BCL2L14: variants seen among roughly 807,000 people sequenced by gnomAD.
BCL2L14 encodes apoptosis facilitator Bcl-2-like protein 14.
Under a neutral mutation model 35.3 loss-of-function variants are expected in BCL2L14, and 27 were observed. The observed-to-expected ratio is 0.76, with a 90% CI of 0.56 to 1.05. The LOEUF (loss-of-function observed/expected upper bound fraction) is 1.05, where lower values mean the gene tolerates loss of function less well. Among genes scored for constraint, BCL2L14 ranks in the 50% least tolerant of loss-of-function variants. The pLI is 0.00. For missense variants in BCL2L14, 377 were observed against 382.6 expected (o/e 0.99, Z 0.12); for synonymous variants, 139 against 145.9 (o/e 0.95, Z 0.34).
At chr12:12,095,699 G>A in intron 5 of BCL2L14, 3 of 985,408 alleles carry the variant, frequency 3.0e-6, no homozygotes, top group Non-Finnish European at 3.6e-6. Context: ...CCAGGGGCCA[G>A]CAGGAGGATT....
At chr12:12,086,831 A>C (rs968237013) in intron 2 of BCL2L14, among the ~76,000 whole-genome samples, 2 of 152,214 alleles carry the variant, frequency 1.3e-5, no homozygotes, top group Non-Finnish European at 2.9e-5. Context: ...TGGCTCTTAG[A>C]GGTATAAAGC....
chr12:12,054,625 C>T (rs1418377384), intron 2 of BCL2L14: 1 of 152,032 alleles, frequency 6.6e-6, no homozygotes, highest in East Asian at 1.9e-4. Flanking sequence ...ACATCTTCTA[C>T]ACACTTGTTA....
Position 12,094,696 on chromosome 12 carries a change from C to T in BCL2L14, c.711C>T (p.Phe237=), listed in dbSNP as rs772882119. The T allele has an allele frequency of 1.9e-6, 3 of 1,614,196 alleles. No homozygotes were observed. In the East Asian group the frequency reaches 6.7e-5, roughly 36 times the overall value. The change falls in exon 5 of 6, where the codon TTC becomes TTT. Residue 237 remains phenylalanine (F), a synonymous_variant. Coordinates refer to ENST00000308721, the MANE Select transcript of BCL2L14 (RefSeq NM_138723.2). ...LKKDKALMGH[F]QDGLSYSVFK... Reference sequence around the variant, plus strand: ...AAGATAAGGCTTTGATGGGCCACTTCCAGGATGGGCTGTCCTACTCTGTTT... The same window carrying T: ...AAGATAAGGCTTTGATGGGCCACTTTCAGGATGGGCTGTCCTACTCTGTTT...
In BCL2L14 at chr12:12,059,031, T is replaced by A. The variant is rs138418848; in HGVS notation, c.-272+7184T>A. On this transcript the variant is annotated intron_variant, in intron 2 of 3. Transcript: ENST00000461264. ...ACTTCAATCTCTCCCTTCTTTTAAT[T>A]TCAGTTCCTTTCATTTTCTGGTAGA... Among the ~76,000 whole-genome samples, 1,063 of 152,322 alleles carry A rather than the reference T, an allele frequency of 7.0e-3. 11 individuals carry two copies. Among genetic ancestry groups the A allele is most frequent in the African/African-American group, 0.024 (1,016 of 41,562 alleles).
intron 1 of BCL2L14, among the ~76,000 whole-genome samples, chr12:12,074,031 T>C (rs1246255195): frequency 6.6e-6 from 1 of 152,182 alleles, no homozygotes; most frequent in African/African-American, 2.4e-5. Context: ...CAGCCAGTTA[T>C]GTTTGAATTT....
At chr12:12,077,848 C>T (rs111348479) in intron 1 of BCL2L14, 245 of 287,724 alleles carry the variant, frequency 8.5e-4, no homozygotes, top group Middle Eastern at 2.1e-3. Context: ...ACATTTCACA[C>T]GGTAGATCTG....
intron 2 of BCL2L14, among the ~76,000 whole-genome samples, chr12:12,058,049 G>A (rs1424957308): frequency 6.7e-6 from 1 of 149,422 alleles, no homozygotes; most frequent in Non-Finnish European, 1.5e-5. Context: ...CTGTGTTCAA[G>A]CAATTCTTTT....
In BCL2L14 at chr12:12,089,556, G is replaced by C. The variant is rs185755649; in HGVS notation, c.608-1223G>C. On this transcript the variant is annotated intron_variant, in intron 3 of 5. Coordinates refer to ENST00000308721, the MANE Select transcript of BCL2L14 (RefSeq NM_138723.2). ...ACTAAAAATACAAAAAAATTAGCCG[G>C]GTGTGGTGGCACACACCTGTAGTCC... Among the ~76,000 whole-genome samples the C allele has an allele frequency of 3.1e-3, 463 of 151,664 alleles. 1 individual carries two copies. The highest frequency in any genetic ancestry group is 5.5e-3 in the Non-Finnish European group (373 of 67,956).
upstream of BCL2L14, among the ~76,000 whole-genome samples, chr12:12,068,602 T>C (rs1948621377): frequency 6.6e-6 from 1 of 151,772 alleles, no homozygotes; most frequent in Admixed American, 6.6e-5. Context: ...TCTCCAGTGA[T>C]CCTCCCACCT....
rs1271843304 is a variant in BCL2L14 at position 12,094,866 on chromosome 12, T to C, written c.881T>C (p.Leu294Pro). Residue 294 changes from leucine (L) to proline (P), a missense_variant, in exon 5 of 6, where the codon CTG becomes CCG. Leu to Pro is a moderately conservative substitution (Grantham distance 98). Coordinates refer to ENST00000308721, the MANE Select transcript of BCL2L14 (RefSeq NM_138723.2). ...AIDNHPMNRV[L>P]GFGTKYLKEN... ...GACAACCACCCGATGAACAGGGTCC[T>C]GGGCTTTGGCACCAAGTACCTGAAA... 6.2e-7 allele frequency: 1 copy of C among 1,614,110 alleles called. No homozygotes were observed. Among genetic ancestry groups the C allele is most frequent in the Non-Finnish European group, 8.5e-7 (1 of 1,180,060 alleles).
chr12:12,094,620 T>C (rs1181957968), intron 4 of BCL2L14, 44 bp from the exon 5 acceptor site: 1 of 1,614,260 alleles, frequency 6.2e-7, no homozygotes, highest in Non-Finnish European at 8.5e-7. Context: ...GTCTGCCTCG[T>C]GGAGCCAAGC....
chr12:12,095,368 T>C (rs939726604), intron 5 of BCL2L14: 3 of 985,262 alleles, frequency 3.0e-6, no homozygotes, highest in African/African-American at 1.7e-5. Flanking sequence ...TCATGGCATT[T>C]TGTCATTGCT....
chr12:12,059,082 A>G (rs11054653), intron 2 of BCL2L14, among the ~76,000 whole-genome samples: 120,086 of 152,120 alleles, frequency 0.79, 48,258 homozygotes, highest in East Asian at 0.9. Flanking sequence ...TTTTATCCGT[A>G]GACCCAAAAC....
chr12:12,098,870 G>C (rs3741793), intron 5 of BCL2L14, 80 bp from the exon 6 acceptor site: 224,963 of 1,027,800 alleles, frequency 0.22, 25,739 homozygotes, highest in South Asian at 0.27. Flanking sequence ...GCCTGGGATA[G>C]AGCAGAGTTA....
At chr12:12,052,429 G>A (rs1006600132) in intron 2 of BCL2L14, among the ~76,000 whole-genome samples, 1 of 152,142 alleles carries the variant, frequency 6.6e-6, no homozygotes, top group Non-Finnish European at 1.5e-5. Context: ...ACTTCTATGA[G>A]ATCAACTTTC....
chr12:12,058,911 C>T (rs1436337215), intron 2 of BCL2L14, among the ~76,000 whole-genome samples: 5 of 152,224 alleles, frequency 3.3e-5, no homozygotes, highest in Non-Finnish European at 5.9e-5. Flanking sequence ...CAAGAAACAT[C>T]TCACCAATTT....
At chr12:12,095,808 T>G (rs1446245679) in intron 5 of BCL2L14, 2 of 985,210 alleles carry the variant, frequency 2.0e-6, no homozygotes, top group Admixed American at 6.2e-5. Context: ...TGCCCAAGGG[T>G]CTGAAGTGCC....
At chr12:12,067,412 G>C (rs147288931), upstream of BCL2L14, among the ~76,000 whole-genome samples, 1 of 152,028 alleles carries the variant, frequency 6.6e-6, no homozygotes, top group Non-Finnish European at 1.5e-5. Context: ...TGAGCCAGGC[G>C]TGGTGGCACA....
At chr12:12,073,551 C>T (rs1948712955) in intron 1 of BCL2L14, among the ~76,000 whole-genome samples, 1 of 152,134 alleles carries the variant, frequency 6.6e-6, no homozygotes, top group East Asian at 1.9e-4. Context: ...ACAATACTCC[C>T]CCCGCCACAC....
Sources: gnomAD v4.1 joint callset for allele counts (sites outside exome capture counted in the v4.1 genomes callset) on GRCh38, gnomAD v4.1.1 for gene constraint, MANE v1.5 for transcripts, NCBI Gene and HGNC (gene_info 2026-07-23, HGNC 2026-07-21) for gene names.